ST3GAL1: variants seen among roughly 807,000 people sequenced by gnomAD.
ST3GAL1 encodes ST3 beta-galactoside alpha-2,3-sialyltransferase 1.
In ST3GAL1, 16 loss-of-function variants were observed where a neutral mutation model predicts 34.1. The observed-to-expected ratio is 0.47, with a 90% CI of 0.32 to 0.71. The LOEUF is 0.71. Ranked by LOEUF, ST3GAL1 falls within the 30% of genes least tolerant of loss-of-function variation. The pLI, the probability that ST3GAL1 is intolerant of heterozygous loss-of-function variation, is 0.04. For synonymous variants in ST3GAL1, 191 were observed against 184.7 expected (o/e 1.03, Z -0.28); for missense variants, 353 against 447.4 (o/e 0.79, Z 1.90).
chr8:133,540,528 C>T (rs1362131347), intron 2 of ST3GAL1, among the ~76,000 whole-genome samples: 2 of 151,990 alleles, frequency 1.3e-5, no homozygotes, highest in Non-Finnish European at 2.9e-5. Flanking sequence ...GAATCAGTCC[C>T]TGTGTATCCT....
intron 2 of ST3GAL1, among the ~76,000 whole-genome samples, chr8:133,506,436 T>C (rs1002496445): frequency 1.1e-4 from 17 of 152,322 alleles, no homozygotes; most frequent in African/African-American, 3.6e-4. Flanking sequence ...TCCTTTGTAT[T>C]ACAGTGGGAG....
chr8:133,493,359 G>A (rs1239653571), intron 3 of ST3GAL1, among the ~76,000 whole-genome samples: 2 of 152,198 alleles, frequency 1.3e-5, no homozygotes, highest in Non-Finnish European at 2.9e-5. Context: ...GTCTAGGGAC[G>A]GCGATGGCAG....
chr8:133,493,561 C>T (rs2130982201), intron 3 of ST3GAL1, among the ~76,000 whole-genome samples: 1 of 152,232 alleles, frequency 6.6e-6, no homozygotes, highest in South Asian at 2.1e-4. Flanking sequence ...AGAAAAACCA[C>T]CCTGACTGGG....
At chr8:133,509,736 G>A (rs1221534400) in intron 2 of ST3GAL1, among the ~76,000 whole-genome samples, 1 of 152,204 alleles carries the variant, frequency 6.6e-6, no homozygotes, top group Non-Finnish European at 1.5e-5. Context: ...TGTCCCTCTG[G>A]AGGGCAGTGA....
intron 3 of ST3GAL1, among the ~76,000 whole-genome samples, chr8:133,481,373 ACT>A (rs1276662788): frequency 6.6e-6 from 1 of 151,850 alleles, no homozygotes; most frequent in Admixed American, 6.6e-5. Context: ...TATCAGGGTG[ACT>A]CTTCCTTACA....
At chr8:133,551,809 A>T (rs958919025) in intron 1 of ST3GAL1, among the ~76,000 whole-genome samples, 1 of 152,258 alleles carries the variant, frequency 6.6e-6, no homozygotes, top group Non-Finnish European at 1.5e-5. Flanking sequence ...TTAAGTACTT[A>T]CAGGTACTTG....
chr8:133,557,236 G>A (rs967221456), intron 1 of ST3GAL1, among the ~76,000 whole-genome samples: 11 of 152,296 alleles, frequency 7.2e-5, no homozygotes, highest in South Asian at 2.1e-4. Flanking sequence ...CTTGCTCACC[G>A]GGAGGTCTAA....
intron 1 of ST3GAL1, among the ~76,000 whole-genome samples, chr8:133,551,429 C>T (rs1277065327): frequency 6.6e-6 from 1 of 151,046 alleles, no homozygotes; most frequent in Non-Finnish European, 1.5e-5. Flanking sequence ...GATCACACCA[C>T]TGCACTCCAG....
intron 2 of ST3GAL1, among the ~76,000 whole-genome samples, chr8:133,527,637 G>A (rs562698584): frequency 2.2e-4 from 33 of 152,302 alleles, no homozygotes; most frequent in East Asian, 3.9e-4. Flanking sequence ...CATCATGTGC[G>A]TGCAACCAAA....
intron 1 of ST3GAL1, among the ~76,000 whole-genome samples, chr8:133,551,632 T>G: frequency 6.6e-6 from 1 of 151,404 alleles, no homozygotes; most frequent in Middle Eastern, 3.2e-3. Flanking sequence ...GAGCAAGCCT[T>G]TCTCTGAGTT....
At chr8:133,485,583 G>T (rs1816553948) in intron 3 of ST3GAL1, among the ~76,000 whole-genome samples, 1 of 152,190 alleles carries the variant, frequency 6.6e-6, no homozygotes, top group African/African-American at 2.4e-5. Context: ...CTCAGAAACG[G>T]GAAGTGACTT....
chr8:133,462,581 G>C (rs943840885), intron 8 of ST3GAL1, among the ~76,000 whole-genome samples: 16 of 152,186 alleles, frequency 1.1e-4, no homozygotes, highest in African/African-American at 3.6e-4. Flanking sequence ...CCCAAAGCCT[G>C]CCTTGAGCAC....
chr8:133,497,388 T>C (rs1816984301), intron 3 of ST3GAL1, among the ~76,000 whole-genome samples: 1 of 151,180 alleles, frequency 6.6e-6, no homozygotes. Context: ...CAAAGAGGAT[T>C]AAGGACTAAG....
intron 2 of ST3GAL1, among the ~76,000 whole-genome samples, chr8:133,528,741 G>A (rs964148682): frequency 6.6e-6 from 1 of 152,218 alleles, no homozygotes; most frequent in African/African-American, 2.4e-5. Context: ...AATAGTTACT[G>A]CCTGGCCCTT....
Position 133,459,862 on chromosome 8 carries a change from C to A in ST3GAL1, c.925G>T (p.Ala309Ser). 1 of 1,614,098 alleles carries A rather than the reference C, an allele frequency of 6.2e-7. No homozygotes were observed. The highest frequency in any genetic ancestry group is 8.5e-7 in the Non-Finnish European group (1 of 1,180,000). ...TCGTGCACCCCCGTCTTGCGAAAAG[C>A]CCCCGCGGATGGGTTGTTCTCCCAG... Reference protein sequence around the residue: ...HYWENNPSAGAFRKTGVHDAD... With the variant: ...HYWENNPSAGSFRKTGVHDAD... The change falls in exon 10 of 10, where the codon GCT (alanine) becomes TCT (serine). Residue 309 changes from alanine (A) to serine (S), a missense_variant. Ala to Ser is a moderately conservative substitution (Grantham distance 99). Coordinates refer to ENST00000522652, the MANE Select transcript of ST3GAL1 (RefSeq NM_173344.3). This position sits in a 1 kb window ranked among gnomAD's most constrained non-coding sequence, Gnocchi z 4.7.
intron 2 of ST3GAL1, among the ~76,000 whole-genome samples, chr8:133,520,703 A>G (rs189844336): frequency 6.6e-6 from 1 of 151,732 alleles, no homozygotes; most frequent in East Asian, 1.9e-4. Flanking sequence ...CCCTTTTCGG[A>G]GTCTATTCCA....
At chr8:133,564,269 C>T (rs917733004) in intron 1 of ST3GAL1, among the ~76,000 whole-genome samples, 1 of 152,094 alleles carries the variant, frequency 6.6e-6, no homozygotes, top group Non-Finnish European at 1.5e-5. Context: ...CTAAAGTAAC[C>T]GGATGTTAAC....
At chr8:133,535,711 A>G (rs1226194199) in intron 2 of ST3GAL1, among the ~76,000 whole-genome samples, 1 of 151,346 alleles carries the variant, frequency 6.6e-6, no homozygotes, top group Non-Finnish European at 1.5e-5. Context: ...CTGGTTTGGA[A>G]CTCCTGGCCT....
chr8:133,557,804 C>T (rs1193334385), intron 1 of ST3GAL1, among the ~76,000 whole-genome samples: 1 of 150,932 alleles, frequency 6.6e-6, no homozygotes, highest in African/African-American at 2.4e-5. Flanking sequence ...GCTCAGGAGG[C>T]TGAGGCAGGA....
Sources: gnomAD v4.1 joint callset for allele counts (sites outside exome capture counted in the v4.1 genomes callset) on GRCh38, gnomAD v4.1.1 for gene constraint, Gnocchi (gnomAD v3.1) non-coding constraint, MANE v1.5 for transcripts, NCBI Gene and HGNC (gene_info 2026-07-23, HGNC 2026-07-21) for gene names.